The following RAP1GDS1 variants were observed in gnomAD, a reference collection of about 807,000 sequenced individuals.
The protein encoded by RAP1GDS1 is Rap1 GTPase-GDP dissociation stimulator 1, also known as RAP1, GTP-GDP dissociation stimulator 1.
In RAP1GDS1, 35 loss-of-function variants were observed where a neutral mutation model predicts 71.1. That is an observed-to-expected ratio of 0.49 (90% CI 0.38 to 0.65). RAP1GDS1 has a LOEUF of 0.65. Among genes scored for constraint, RAP1GDS1 ranks in the 30% least tolerant of loss-of-function variants. RAP1GDS1 has a pLI of 0.00. For synonymous variants in RAP1GDS1, 229 were observed against 243.1 expected, an observed-to-expected ratio of 0.94 and a Z score of 0.54; for missense variants, 663 against 706.1, an observed-to-expected ratio of 0.94 and a Z score of 0.69.
chr4:98,325,812 A>G (rs1481079057), intron 2 of RAP1GDS1, among the ~76,000 whole-genome samples: 1 of 149,652 alleles, frequency 6.7e-6, no homozygotes, highest in African/African-American at 2.5e-5. Context: ...TGGGCGATAT[A>G]CCTAATGCTA....
At chr4:98,281,953 T>C (rs1321190534) in intron 1 of RAP1GDS1, among the ~76,000 whole-genome samples, 1 of 152,194 alleles carries the variant, frequency 6.6e-6, no homozygotes, top group Non-Finnish European at 1.5e-5. Context: ...ATCCCAGGGA[T>C]GAAGCCAAGT....
rs114175639 is a variant in RAP1GDS1 at position 98,380,863 on chromosome 4, G to T, written c.508+1700G>T. Among the ~76,000 whole-genome samples, 1,115 of 151,724 alleles carry T rather than the reference G, an allele frequency of 7.3e-3. 20 individuals are homozygous for T. Among genetic ancestry groups the T allele is most frequent in the African/African-American group, 0.026 (1,074 of 41,468 alleles). On this transcript the variant is annotated intron_variant, in intron 5 of 14. Transcript: ENST00000408927. ...GAAGTAGTAGAATTAGTCTTGTTAT[G>T]CATCTAACCTAGCTGTTAGTTCTTT...
chr4:98,328,709 G>C (rs1733511948), intron 2 of RAP1GDS1, among the ~76,000 whole-genome samples: 2 of 152,070 alleles, frequency 1.3e-5, no homozygotes, highest in Admixed American at 6.6e-5. Context: ...TTGAGACAGA[G>C]TCTCTCTCTG....
intron 1 of RAP1GDS1, among the ~76,000 whole-genome samples, chr4:98,285,917 ATATT>A (rs1234125938): frequency 1.4e-5 from 2 of 139,246 alleles, no homozygotes; most frequent in Non-Finnish European, 3.0e-5. Context: ...ATTATTTATA[ATATT>A]TATTTATAAA....
At chr4:98,308,641 A>C (rs1410586733) in intron 2 of RAP1GDS1, among the ~76,000 whole-genome samples, 4 of 152,034 alleles carry the variant, frequency 2.6e-5, no homozygotes, top group African/African-American at 4.8e-5. Flanking sequence ...CCTTTTCATA[A>C]GAAGGAAAAT....
At chr4:98,302,592 AC>A (rs1261363539) in intron 2 of RAP1GDS1, among the ~76,000 whole-genome samples, 2 of 152,226 alleles carry the variant, frequency 1.3e-5, no homozygotes, top group Non-Finnish European at 2.9e-5. Context: ...GTAAAGGAAG[AC>A]CAGAATCTGT....
chr4:98,409,311 A>G (rs1746652604), intron 7 of RAP1GDS1: 1 of 152,496 alleles, frequency 6.6e-6, no homozygotes, highest in Non-Finnish European at 1.5e-5. Flanking sequence ...AAAGGGAAAG[A>G]GAAGCATCTG....
chr4:98,340,454 G>A (rs1735328886), intron 2 of RAP1GDS1, among the ~76,000 whole-genome samples: 1 of 152,104 alleles, frequency 6.6e-6, no homozygotes, highest in African/African-American at 2.4e-5. Flanking sequence ...AGTGGGAGCT[G>A]CCAGGCATGG....
chr4:98,439,382 G>A (rs1751596574), intron 14 of RAP1GDS1, among the ~76,000 whole-genome samples: 1 of 152,216 alleles, frequency 6.6e-6, no homozygotes, highest in South Asian at 2.1e-4. Context: ...TAACTATGAT[G>A]TGTCTTGGCA....
intron 2 of RAP1GDS1, among the ~76,000 whole-genome samples, chr4:98,323,569 C>T: frequency 7.0e-6 from 1 of 142,036 alleles, no homozygotes; most frequent in South Asian, 2.4e-4. Context: ...AAAAGCTTAT[C>T]CACCATGATC....
At chr4:98,279,560 A>G (rs889359483) in intron 1 of RAP1GDS1, among the ~76,000 whole-genome samples, 1 of 152,022 alleles carries the variant, frequency 6.6e-6, no homozygotes, top group East Asian at 1.9e-4. Flanking sequence ...ATATACTTAC[A>G]TGTATACATA....
chr4:98,433,827 C>A, intron 12 of RAP1GDS1, 109 bp from the exon 13 acceptor site: 1 of 952,322 alleles, frequency 1.1e-6, no homozygotes, highest in Non-Finnish European at 1.5e-6. Flanking sequence ...TCAAATGATT[C>A]ATACAGGACA....
At chr4:98,279,546 T>G (rs1490140774) in intron 1 of RAP1GDS1, among the ~76,000 whole-genome samples, 1 of 152,030 alleles carries the variant, frequency 6.6e-6, no homozygotes, top group East Asian at 1.9e-4. Context: ...TGCAAATTAT[T>G]TATATATACT....
intron 4 of RAP1GDS1, among the ~76,000 whole-genome samples, chr4:98,365,410 TTTGA>T (rs1319309606): frequency 6.6e-6 from 1 of 151,654 alleles, no homozygotes; most frequent in Non-Finnish European, 1.5e-5. Context: ...AGCTCAGGAG[TTTGA>T]AACCAGCCTG....
chr4:98,418,797 A>G lies in RAP1GDS1; in HGVS notation c.1174+6A>G, dbSNP rs894414662. 4 of 1,584,628 alleles carry G rather than the reference A, an allele frequency of 2.5e-6. No individual in the cohort carries two copies. Among genetic ancestry groups the G allele is most frequent in the Non-Finnish European group, 3.4e-6 (4 of 1,169,272 alleles). ...CAGAAACCTGGCCATTCCAGGTAAG[A>G]CTTAAGAATAGAAGGCAGCTGTGTA... On this transcript the variant is annotated splice_donor_region_variant and intron_variant, in intron 10 of 14. Coordinates refer to ENST00000408927, the MANE Select transcript of RAP1GDS1 (RefSeq NM_001100427.2).
At chr4:98,390,678 A>G (rs1352036333) in intron 5 of RAP1GDS1, among the ~76,000 whole-genome samples, 8 of 151,938 alleles carry the variant, frequency 5.3e-5, no homozygotes, top group Non-Finnish European at 7.4e-5. Context: ...AGATAGCTCA[A>G]CTCTGTATGT....
intron 4 of RAP1GDS1, among the ~76,000 whole-genome samples, chr4:98,361,584 A>G (rs763398775): frequency 4.6e-5 from 7 of 152,182 alleles, no homozygotes; most frequent in East Asian, 3.9e-4. Context: ...TTATTGAACA[A>G]TTTTAACTAA....
chr4:98,440,797 A>G (rs1446975117), intron 14 of RAP1GDS1, among the ~76,000 whole-genome samples: 2 of 152,040 alleles, frequency 1.3e-5, no homozygotes, highest in African/African-American at 4.8e-5. Context: ...GGCTCACCGT[A>G]ACTTCCACCT....
chr4:98,263,571 A>C (rs1009536861), intron 1 of RAP1GDS1, among the ~76,000 whole-genome samples: 1 of 152,188 alleles, frequency 6.6e-6, no homozygotes, highest in African/African-American at 2.4e-5. Flanking sequence ...TTTAGCACTT[A>C]CGTAATCTAC....
Sources: allele counts gnomAD v4.1 joint callset (sites outside exome capture counted in the v4.1 genomes callset), GRCh38; gene constraint gnomAD v4.1.1; transcripts MANE v1.5; gene names NCBI Gene and HGNC (gene_info 2026-07-23, HGNC 2026-07-21).